The following EPHA7 variants were observed in gnomAD, a reference collection of about 807,000 sequenced individuals.
EPHA7 encodes ephrin type-A receptor 7.
In EPHA7, 25 loss-of-function variants were observed where a neutral mutation model predicts 112.6. The ratio of observed to expected loss-of-function variants is 0.22; its 90% CI spans 0.16 to 0.31. The LOEUF (loss-of-function observed/expected upper bound fraction) is 0.31. EPHA7 is among the 10% of genes least tolerant of loss of function. EPHA7 has a pLI of 1.00. For synonymous variants in EPHA7, 437 were observed against 406.5 expected (o/e 1.07, Z -0.90); for missense variants, 962 against 1,212.6 (o/e 0.79, Z 3.07).
intron 5 of EPHA7, among the ~76,000 whole-genome samples, chr6:93,344,353 G>A (rs1474247863): frequency 6.6e-6 from 1 of 151,554 alleles, no homozygotes; most frequent in Non-Finnish European, 1.5e-5. Context: ...GGTTCTTGGT[G>A]ATGTCAGGGA....
At chr6:93,281,948 A>G (rs1264750432) in intron 5 of EPHA7, among the ~76,000 whole-genome samples, 1 of 151,862 alleles carries the variant, frequency 6.6e-6, no homozygotes, top group Non-Finnish European at 1.5e-5. Flanking sequence ...TTTATATATT[A>G]TATATTTCAT....
chr6:93,286,283 C>T (rs1261722967), intron 5 of EPHA7, among the ~76,000 whole-genome samples: 7 of 152,092 alleles, frequency 4.6e-5, no homozygotes, highest in African/African-American at 1.7e-4. Flanking sequence ...TTGCTGCTAC[C>T]ACACCTATGA....
At chr6:93,399,298 CTT>C (rs1778327040) in intron 3 of EPHA7, among the ~76,000 whole-genome samples, 1 of 152,042 alleles carries the variant, frequency 6.6e-6, no homozygotes, top group Non-Finnish European at 1.5e-5. Flanking sequence ...GTGAAGTTTA[CTT>C]TCTCTTCCCT....
At chr6:93,401,394 G>A (rs967507925) in intron 3 of EPHA7, among the ~76,000 whole-genome samples, 1 of 151,874 alleles carries the variant, frequency 6.6e-6, no homozygotes, top group Non-Finnish European at 1.5e-5. Flanking sequence ...CAGAATATAA[G>A]AAAAATAATG....
At chr6:93,322,875 G>A (rs768984583) in intron 5 of EPHA7, among the ~76,000 whole-genome samples, 1 of 151,390 alleles carries the variant, frequency 6.6e-6, no homozygotes, top group African/African-American at 2.4e-5. Context: ...TGTGCTTTAC[G>A]TGTGTGTGTG....
chr6:93,354,064 A>T (rs1775823654), intron 5 of EPHA7, among the ~76,000 whole-genome samples: 2 of 152,152 alleles, frequency 1.3e-5, no homozygotes, highest in African/African-American at 2.4e-5. Flanking sequence ...ATTGCTGAGG[A>T]GGAAGATAAC....
At chr6:93,374,615 T>C (rs1457219935) in intron 3 of EPHA7, among the ~76,000 whole-genome samples, 1 of 152,218 alleles carries the variant, frequency 6.6e-6, no homozygotes, top group Admixed American at 6.5e-5. Flanking sequence ...TATCTGTGAA[T>C]GCATATGGAT....
chr6:93,393,452 C>G (rs1778007997), intron 3 of EPHA7, among the ~76,000 whole-genome samples: 1 of 151,780 alleles, frequency 6.6e-6, no homozygotes, highest in Non-Finnish European at 1.5e-5. Context: ...AAAAAAACGC[C>G]TCTCAGATTA....
intron 5 of EPHA7, among the ~76,000 whole-genome samples, chr6:93,295,240 C>T (rs1772598958): frequency 6.6e-6 from 1 of 151,966 alleles, no homozygotes; most frequent in African/African-American, 2.4e-5. Context: ...ATCTGCAGTT[C>T]AACCAGCCGT....
intron 3 of EPHA7, among the ~76,000 whole-genome samples, chr6:93,368,002 C>A (rs912295338): frequency 6.6e-6 from 1 of 152,002 alleles, no homozygotes; most frequent in East Asian, 1.9e-4. Flanking sequence ...ATTCATTCCT[C>A]GACCAAATTA....
chr6:93,289,463 CA>C (rs3078554), intron 5 of EPHA7, among the ~76,000 whole-genome samples: 39 of 144,658 alleles, frequency 2.7e-4, no homozygotes, highest in East Asian at 6.0e-4. Context: ...ACTAAAAATA[CA>C]AAAAAAAAAA....
intron 3 of EPHA7, among the ~76,000 whole-genome samples, chr6:93,398,768 C>T (rs1778301540): frequency 6.6e-6 from 1 of 152,044 alleles, no homozygotes; most frequent in East Asian, 1.9e-4. Flanking sequence ...GAAAAATTTA[C>T]AAAGGAGGGA....
In EPHA7 at chr6:93,356,824, A is replaced by G. The variant is rs1270412615; in HGVS notation, c.1217T>C (p.Leu406Pro). 1 of 1,614,200 alleles carries G rather than the reference A, an allele frequency of 6.2e-7. No homozygotes were observed. The highest frequency in any genetic ancestry group is 1.1e-5 in the South Asian group (1 of 91,092). ...EDNYVTVMDL[L>P]AHANYTFEVE... ...TTCAAAAGTATAATTAGCGTGGGCT[A>G]GCAGGTCCATGACAGTGACATAGTT... Residue 406 changes from leucine to proline, a missense_variant, in exon 5 of 17, where the codon CTA becomes CCA. Leu to Pro is a moderately conservative substitution (Grantham distance 98, BLOSUM62 -3). Coordinates refer to ENST00000369303, the MANE Select transcript of EPHA7 (RefSeq NM_004440.4).
At chr6:93,252,896 C>T (rs1770276128) in intron 14 of EPHA7, among the ~76,000 whole-genome samples, 1 of 151,812 alleles carries the variant, frequency 6.6e-6, no homozygotes, top group South Asian at 2.1e-4. Flanking sequence ...AAATATTAAT[C>T]CTTGGTATAG....
chr6:93,312,749 A>C (rs1773605168), intron 5 of EPHA7, among the ~76,000 whole-genome samples: 1 of 152,132 alleles, frequency 6.6e-6, no homozygotes, highest in Non-Finnish European at 1.5e-5. Context: ...TTCCTCACTG[A>C]GTTTAATTAT....
chr6:93,324,720 C>A, intron 5 of EPHA7, among the ~76,000 whole-genome samples: 1 of 151,478 alleles, frequency 6.6e-6, no homozygotes, highest in East Asian at 1.9e-4. Context: ...ATCAAGGGTG[C>A]CTTCAACACG....
chr6:93,336,637 G>C (rs775467434), intron 5 of EPHA7, among the ~76,000 whole-genome samples: 1 of 151,942 alleles, frequency 6.6e-6, no homozygotes, highest in Non-Finnish European at 1.5e-5. Flanking sequence ...TCCTGACCTT[G>C]TGATCTGCCC....
intron 5 of EPHA7, among the ~76,000 whole-genome samples, chr6:93,333,473 A>G (rs923649509): frequency 5.3e-5 from 8 of 151,972 alleles, no homozygotes; most frequent in African/African-American, 9.7e-5. Flanking sequence ...ACTGCTTTCC[A>G]CAATGGCTGA....
rs1043521951 is a variant in EPHA7 at position 93,382,984 on chromosome 6, T to C, written c.833-24573A>G. ...AAACTGCTTCCGTCTCTTTGTCCAC[T>C]GAACCCAATCAACAAGTCTTTATCC... On this transcript the variant is annotated intron_variant, in intron 3 of 16. Transcript: ENST00000369303. Among the ~76,000 whole-genome samples the C allele has an allele frequency of 2.0e-5, 3 of 152,158 alleles. No individual in the cohort carries two copies. The East Asian group carries it at 5.8e-4, about 29-fold the overall frequency.
Sources: allele counts gnomAD v4.1 joint callset (sites outside exome capture counted in the v4.1 genomes callset), GRCh38; gene constraint gnomAD v4.1.1; transcripts MANE v1.5; gene names NCBI Gene and HGNC (gene_info 2026-07-23, HGNC 2026-07-21).